ARHGEF16: variants seen among roughly 807,000 people sequenced by gnomAD.
ARHGEF16 encodes the protein Rho guanine exchange factor (GEF) 16.
ARHGEF16 carries 59 observed loss-of-function variants against 74.1 expected under a neutral mutation model. The observed-to-expected ratio is 0.80, with a 90% confidence interval of 0.65 to 0.99. The LOEUF (loss-of-function observed/expected upper bound fraction) is 0.99, where lower values mean the gene tolerates loss of function less well. Ranked by LOEUF, ARHGEF16 falls within the 50% of genes least tolerant of loss-of-function variation. ARHGEF16 has a pLI of 0.00. For synonymous variants in ARHGEF16, 415 were observed against 412.6 expected, an observed-to-expected ratio of 1.01 and a Z score of -0.07; for missense variants, 948 against 986.6, an observed-to-expected ratio of 0.96 and a Z score of 0.52.
chr1:3,455,780 G>A (rs1365966130), intron 1 of ARHGEF16, among the ~76,000 whole-genome samples: 1 of 152,168 alleles, frequency 6.6e-6, no homozygotes, highest in Non-Finnish European at 1.5e-5. Context: ...GTGGGTTTCA[G>A]GCTCACATCC....
Position 3,480,873 on chromosome 1 carries a change from C to A in ARHGEF16, c.*286C>A. Reference sequence around the variant, plus strand: ...GCCCCTCAGCTGCTGGGCCCCACCTCCCCACTGCACCCAGGGGGCAACTCC... The same window carrying A: ...GCCCCTCAGCTGCTGGGCCCCACCTACCCACTGCACCCAGGGGGCAACTCC... On this transcript the variant is annotated 3_prime_UTR_variant, in exon 15 of 15. Transcript: ENST00000378378. 1 of 502,428 alleles carries A rather than the reference C, an allele frequency of 2.0e-6. No individual in the cohort carries two copies. Among genetic ancestry groups the A allele is most frequent in the South Asian group, 2.5e-5 (1 of 40,084 alleles). The allele number at this position is 502,428 out of a possible 1,614,324, so 31.1% of individuals were successfully genotyped here. A position where few individuals can be genotyped will look rare whatever the true frequency, so the allele number is the denominator to read the frequency against.
At chr1:3,456,638 G>A (rs1328650035) in intron 1 of ARHGEF16, among the ~76,000 whole-genome samples, 2 of 152,330 alleles carry the variant, frequency 1.3e-5, no homozygotes. Flanking sequence ...TTTGGGGAGG[G>A]GCAGAAGACA....
intron 12 of ARHGEF16, among the ~76,000 whole-genome samples, chr1:3,478,826 G>A (rs894885556): frequency 6.6e-6 from 1 of 152,118 alleles, no homozygotes; most frequent in Non-Finnish European, 1.5e-5. Flanking sequence ...CGCACCAACA[G>A]TTGGGCCACC....
intron 1 of ARHGEF16, among the ~76,000 whole-genome samples, chr1:3,461,877 A>G (rs1221905723): frequency 6.6e-6 from 1 of 152,172 alleles, no homozygotes; most frequent in Admixed American, 6.5e-5. Flanking sequence ...GGCTCTCCAC[A>G]TTCCTACCTG....
rs1639449637 is a variant in ARHGEF16 at position 3,463,294 on chromosome 1, C to T, written c.210C>T (p.Pro70=). The change falls in exon 2 of 15, where the codon CCC becomes CCT. Residue 70 remains proline (P), a synonymous_variant. Transcript: ENST00000378378. ...CCCCGGGGCACGAGGAGCCATGGCC[C>T]ATCGTCCTGAGCACAGAGAGCCCGG... ...PRPPGHEEPW[P]IVLSTESPAA... 6 of 1,550,160 alleles carry T rather than the reference C, an allele frequency of 3.9e-6. No homozygotes were observed. The highest frequency in any genetic ancestry group is 5.2e-6 in the Non-Finnish European group (6 of 1,146,856).
intron 2 of ARHGEF16, 70 bp from the exon 3 acceptor site, chr1:3,466,078 G>A (rs1191680314): frequency 1.3e-6 from 2 of 1,518,294 alleles, no homozygotes; most frequent in Non-Finnish European, 1.8e-6. Context: ...TGGGGTCCCA[G>A]GGCAGAATCG....
chr1:3,479,993 G>A, intron 14 of ARHGEF16, 80 bp downstream of exon 14: 1 of 1,408,300 alleles, frequency 7.1e-7, no homozygotes, highest in Non-Finnish European at 9.9e-7. Flanking sequence ...GCCAGGTCCA[G>A]AGCATGCCGG....
Position 3,473,063 on chromosome 1 carries a change from C to T in ARHGEF16, c.1023-15C>T, listed in dbSNP as rs1339424859. The T allele has an allele frequency of 6.2e-7, 1 of 1,609,876 alleles. No individual in the cohort carries two copies. Among genetic ancestry groups the T allele is most frequent in the Non-Finnish European group, 8.5e-7 (1 of 1,178,280 alleles). On this transcript the variant is annotated splice_polypyrimidine_tract_variant and intron_variant, in intron 6 of 14. Transcript: ENST00000378378. ...CCAGGCCCGTGGCACCCTCCTCACC[C>T]CTCCTTGCCTTCAGGTTCTTCGAGG...
intron 3 of ARHGEF16, 141 bp from the exon 4 acceptor site, chr1:3,467,026 TG>T: frequency 2.3e-6 from 2 of 853,014 alleles, no homozygotes; most frequent in Non-Finnish European, 3.5e-6. Context: ...GTGCCCAGCC[TG>T]GGGCAGTCCC....
chr1:3,472,697 G>T, intron 6 of ARHGEF16: 2 of 172,172 alleles, frequency 1.2e-5, no homozygotes, highest in Non-Finnish European at 1.2e-5. Flanking sequence ...AGTCGTTTTA[G>T]CTGGAAGGAG....
Position 3,467,247 on chromosome 1 carries a change from C to A in ARHGEF16, c.714C>A (p.Ser238=), listed in dbSNP as rs1259603859. The change falls in exon 4 of 15, where the codon TCC becomes TCA. Residue 238 remains serine, a synonymous_variant. Transcript: ENST00000378378. The part of the protein sequence containing the change: ...QESDDDILDE[S]SSPEGTQKVD... The stretch of plus-strand genomic sequence containing the variant: ...CTGATGACGACATCCTCGATGAGTC[C>A]TCCAGCCCCGAGGGAACCCAGAAGG... The A allele has an allele frequency of 6.4e-7, 1 of 1,550,408 alleles. No homozygotes were observed.
intron 5 of ARHGEF16, 56 bp downstream of exon 5, chr1:3,468,992 C>A (rs1436213206): frequency 1.3e-6 from 2 of 1,542,672 alleles, no homozygotes; most frequent in South Asian, 2.4e-5. Flanking sequence ...ATGCAACACC[C>A]GGGGAGGGGC....
chr1:3,480,776 G>T lies in ARHGEF16; in HGVS notation c.*189G>T. 1 of 794,796 alleles carries T rather than the reference G, an allele frequency of 1.3e-6. No individual in the cohort carries two copies. The highest frequency in any genetic ancestry group is 1.9e-6 in the Non-Finnish European group (1 of 519,364). 49.2% of individuals were successfully genotyped at this position (794,796 alleles called of 1,614,324 possible). A position where few individuals can be genotyped will look rare whatever the true frequency, so the allele number is the denominator to read the frequency against. ...AGGAAGATCACATGTCCCCAGAGAG[G>T]CACCCCCAGGCAAGCTCGAGGGGGC... On this transcript the variant is annotated 3_prime_UTR_variant, in exon 15 of 15. Coordinates refer to ENST00000378378, the MANE Select transcript of ARHGEF16 (RefSeq NM_014448.4).
intron 1 of ARHGEF16, among the ~76,000 whole-genome samples, chr1:3,456,772 G>A (rs926688849): frequency 6.6e-6 from 1 of 152,232 alleles, no homozygotes; most frequent in African/African-American, 2.4e-5. Flanking sequence ...CCCACCCTTT[G>A]GGGGAACCCC....
chr1:3,476,422 C>T (rs150781453), intron 10 of ARHGEF16, among the ~76,000 whole-genome samples: 73 of 152,248 alleles, frequency 4.8e-4, no homozygotes, highest in Middle Eastern at 3.4e-3. Flanking sequence ...GCGCTCCTTG[C>T]TGGCCCCTCA....
intron 4 of ARHGEF16, among the ~76,000 whole-genome samples, chr1:3,468,220 G>T (rs1639602814): frequency 6.6e-6 from 1 of 152,222 alleles, no homozygotes; most frequent in Admixed American, 6.5e-5. Context: ...GGAGGCACTG[G>T]TTTGGGGAAT....
At position 3,479,886 on chromosome 1, in the gene ARHGEF16, G is replaced by A. The variant is rs766233207; in HGVS notation, c.1963G>A (p.Val655Met). Residue 655 changes from valine (V) to methionine (M), a missense_variant, in exon 14 of 15, where the codon GTG (valine) becomes ATG (methionine). By Grantham distance (21) the Val-to-Met change is conservative. Coordinates refer to ENST00000378378, the MANE Select transcript of ARHGEF16 (RefSeq NM_014448.4). The stretch of plus-strand genomic sequence containing the variant: ...CGAGGTCACACTGCAGCAGGCGGAC[G>A]TGGTCCTGGTTCTGCAGCAGGAGGA... ...ADEVTLQQADVVLVLQQEDGW... is the reference protein window; with the variant it reads ...ADEVTLQQADMVLVLQQEDGW... 11 of 1,612,304 alleles carry A rather than the reference G, an allele frequency of 6.8e-6. No homozygotes were observed. The highest frequency in any genetic ancestry group is 2.2e-5 in the South Asian group (2 of 91,084).
intron 1 of ARHGEF16, among the ~76,000 whole-genome samples, chr1:3,462,791 G>A (rs1213863295): frequency 6.6e-6 from 1 of 152,210 alleles, no homozygotes; most frequent in East Asian, 1.9e-4. Context: ...CCCATAGGCT[G>A]TGCCCACCTG....
intron 10 of ARHGEF16, among the ~76,000 whole-genome samples, chr1:3,477,408 G>A (rs1214268270): frequency 2.7e-5 from 1 of 37,264 alleles, no homozygotes; most frequent in Non-Finnish European, 5.4e-5. Context: ...CAGGCAGCAG[G>A]GAGGATGTTC....
Sources: gnomAD v4.1 joint callset for allele counts (sites outside exome capture counted in the v4.1 genomes callset) on GRCh38, gnomAD v4.1.1 for gene constraint, MANE v1.5 for transcripts, NCBI Gene and HGNC (gene_info 2026-07-23, HGNC 2026-07-21) for gene names.